Variants in BAIAP2 observed in about 807,000 individuals in gnomAD.
BAIAP2 encodes BAR/IMD domain containing adaptor protein 2.
BAIAP2 carries 18 observed loss-of-function variants against 63.0 expected under a neutral mutation model. That is an observed-to-expected ratio of 0.29 (90% CI 0.20 to 0.42). BAIAP2 has a LOEUF of 0.42. Among genes scored for constraint, BAIAP2 ranks in the 10% least tolerant of loss-of-function variants. The pLI is 1.00. For synonymous variants in BAIAP2, 386 were observed against 307.6 expected (o/e 1.25, Z -2.67); for missense variants, 610 against 734.3 (o/e 0.83, Z 1.96).
chr17:81,086,804 A>T (rs1390087230), intron 6 of BAIAP2: 1 of 550,648 alleles, frequency 1.8e-6, no homozygotes, highest in Non-Finnish European at 3.3e-6. Context: ...GCAGCCTCCC[A>T]GGGTCACTGA....
At chr17:81,098,091 G>T in intron 6 of BAIAP2, 1 of 1,352,098 alleles carries the variant, frequency 7.4e-7, no homozygotes, top group Non-Finnish European at 9.6e-7. Flanking sequence ...CTGGGGTCAT[G>T]GAGGGGCCAG....
chr17:81,099,899 G>T (rs746989896), intron 6 of BAIAP2, 29 bp from the exon 7 acceptor site: 3 of 1,605,434 alleles, frequency 1.9e-6, no homozygotes, highest in Non-Finnish European at 2.6e-6. Flanking sequence ...TCCATCGCTG[G>T]CTGAGCCTTT....
intron 3 of BAIAP2, among the ~76,000 whole-genome samples, chr17:81,077,126 G>T (rs1310036307): frequency 6.6e-6 from 1 of 152,210 alleles, no homozygotes; most frequent in Non-Finnish European, 1.5e-5. Flanking sequence ...CCGTGAGACT[G>T]GTTCCCGGAG....
chr17:81,104,477 C>T (rs1040921577), intron 9 of BAIAP2, 37 bp from the exon 10 acceptor site: 2 of 1,549,966 alleles, frequency 1.3e-6, no homozygotes, highest in Admixed American at 3.6e-5. Context: ...CCCCGCCAGC[C>T]AGGGGCAGTC....
intron 1 of BAIAP2, among the ~76,000 whole-genome samples, chr17:81,052,311 G>A (rs1171919025): frequency 1.3e-5 from 2 of 152,240 alleles, no homozygotes; most frequent in African/African-American, 4.8e-5. Context: ...CCTTCCCTCG[G>A]GAGATGTTGG....
At chr17:81,058,054 G>T in intron 3 of BAIAP2, 87 bp downstream of exon 3, 1 of 1,109,704 alleles carries the variant, frequency 9.0e-7, no homozygotes, top group South Asian at 1.5e-5. Flanking sequence ...GCCGCTTTTT[G>T]ATTTGGGATC....
At chr17:81,058,315 A>G (rs2049972185) in intron 3 of BAIAP2, among the ~76,000 whole-genome samples, 1 of 152,204 alleles carries the variant, frequency 6.6e-6, no homozygotes. Flanking sequence ...AAATGAGTGA[A>G]AAAGGATGCA....
chr17:81,090,470 T>C (rs536946837), intron 6 of BAIAP2, among the ~76,000 whole-genome samples: 1 of 152,238 alleles, frequency 6.6e-6, no homozygotes, highest in Non-Finnish European at 1.5e-5. Context: ...TCACCGAGTT[T>C]CTTCAGGAAG....
At chr17:81,081,168 A>G (rs1270099674) in intron 3 of BAIAP2, among the ~76,000 whole-genome samples, 1 of 152,176 alleles carries the variant, frequency 6.6e-6, no homozygotes. Context: ...CAGTCACAGG[A>G]ACACCATGAA....
chr17:81,085,245 C>T (rs2055368187), intron 4 of BAIAP2: 3 of 499,474 alleles, frequency 6.0e-6, no homozygotes, highest in Non-Finnish European at 1.1e-5. Context: ...GCAGACCCCA[C>T]ACAACCAGAG....
At chr17:81,049,282 G>C (rs4073044) in intron 1 of BAIAP2, among the ~76,000 whole-genome samples, 12,677 of 152,184 alleles carry the variant, frequency 0.083, 697 homozygotes, top group South Asian at 0.18. Flanking sequence ...TGTGCCTGTG[G>C]CCCCCCAGGA....
intron 3 of BAIAP2, chr17:81,063,636 A>T (rs1568100116): frequency 6.6e-6 from 1 of 152,374 alleles, no homozygotes; most frequent in Non-Finnish European, 1.5e-5. Context: ...CTGTGTTTGC[A>T]GGCTGTGTTA....
In BAIAP2 at chr17:81,047,798, A is replaced by G. The variant is rs1036622338; in HGVS notation, c.55-5870A>G. On this transcript the variant is annotated intron_variant, in intron 1 of 13. Coordinates refer to ENST00000428708, the MANE Select transcript of BAIAP2 (RefSeq NM_001144888.2). ...ACACACAGGCCCAGCTCATGCCCAC[A>G]GCACACACAGGGGTCCACATGCATC... 3.9e-4 allele frequency among the ~76,000 whole-genome samples: 25 copies of G among 63,774 alleles called. 1 individual carries two copies. The highest frequency in any genetic ancestry group is 1.6e-3 in the Admixed American group (13 of 8,198). 41.8% of individuals were successfully genotyped at this position (63,774 alleles called of 152,430 possible). A position where few individuals can be genotyped will look rare whatever the true frequency, so the allele number is the denominator to read the frequency against.
At chr17:81,048,901 G>A (rs758468399) in intron 1 of BAIAP2, among the ~76,000 whole-genome samples, 2 of 152,320 alleles carry the variant, frequency 1.3e-5, no homozygotes, top group Non-Finnish European at 2.9e-5. Context: ...GGCACTTCGC[G>A]GCATGCGTCC....
chr17:81,041,748 A>G (rs911004094), intron 1 of BAIAP2, among the ~76,000 whole-genome samples: 1 of 151,394 alleles, frequency 6.6e-6, no homozygotes, highest in Admixed American at 6.6e-5. Flanking sequence ...CTAATTTTAT[A>G]TTTAGTAGAG....
At chr17:81,044,667 T>C (rs1598495085) in intron 1 of BAIAP2, among the ~76,000 whole-genome samples, 1 of 152,072 alleles carries the variant, frequency 6.6e-6, no homozygotes, top group Admixed American at 6.5e-5. Flanking sequence ...AGGGGCCGAG[T>C]CTCCCATGTT....
Position 81,069,085 on chromosome 17 carries a change from T to C in BAIAP2, c.217+11118T>C, listed in dbSNP as rs1220183444. 3.9e-5 allele frequency among the ~76,000 whole-genome samples: 6 copies of C among 152,238 alleles called. No individual in the cohort carries two copies. In the East Asian group the frequency reaches 1.2e-3, roughly 29 times the overall value. ...AAGGATGCGCTGGGTCCTCCGGCTG[T>C]CCCCACTGTGCTTGTTTGTTTAAAC... On this transcript the variant is annotated intron_variant, in intron 3 of 13. Transcript: ENST00000428708.
At chr17:81,094,408 T>C (rs745406046) in intron 6 of BAIAP2, among the ~76,000 whole-genome samples, 2 of 152,172 alleles carry the variant, frequency 1.3e-5, no homozygotes, top group Admixed American at 6.5e-5. Flanking sequence ...TGGGCCTTTT[T>C]CCCAGGAAAA....
In BAIAP2 at chr17:81,039,320, G is replaced by T. The variant is rs932243418; in HGVS notation, c.54+4012G>T. Among the ~76,000 whole-genome samples the T allele has an allele frequency of 3.3e-5, 5 of 152,358 alleles. No individual in the cohort carries two copies. The South Asian group carries it at 1.0e-3, about 32-fold the overall frequency. ...TGTCCTGCCGGTTGTTGGCTCCAGG[G>T]TGTACAACCCTTCTGCTGGTGCTTG... On this transcript the variant is annotated intron_variant, in intron 1 of 13. Transcript: ENST00000428708.
Sources: allele counts gnomAD v4.1 joint callset (sites outside exome capture counted in the v4.1 genomes callset), GRCh38; gene constraint gnomAD v4.1.1; transcripts MANE v1.5; gene names NCBI Gene and HGNC (gene_info 2026-07-23, HGNC 2026-07-21).